Variants in CACNB2 observed in about 807,000 individuals in gnomAD.
CACNB2 encodes voltage-dependent L-type calcium channel subunit beta-2.
In CACNB2, 42 loss-of-function variants were observed where a neutral mutation model predicts 73.3. The ratio of observed to expected loss-of-function variants is 0.57; its 90% confidence interval spans 0.45 to 0.74. The LOEUF (loss-of-function observed/expected upper bound fraction) is 0.74. Ranked by LOEUF, CACNB2 falls within the 30% of genes least tolerant of loss-of-function variation. CACNB2 has a pLI of 0.00. For synonymous variants in CACNB2, 348 were observed against 310.3 expected (o/e 1.12, Z -1.28); for missense variants, 940 against 853.0 (o/e 1.10, Z -1.27).
At chr10:18,296,615 G>C (rs1295993258) in intron 2 of CACNB2, among the ~76,000 whole-genome samples, 2 of 152,098 alleles carry the variant, frequency 1.3e-5, no homozygotes, top group African/African-American at 4.8e-5. Context: ...TTTGTATACA[G>C]CCTGCCACTA....
intron 2 of CACNB2, among the ~76,000 whole-genome samples, chr10:18,203,372 C>T (rs1169004231): frequency 1.3e-5 from 2 of 152,174 alleles, no homozygotes; most frequent in East Asian, 1.9e-4. Flanking sequence ...TGTACCTTGG[C>T]TGGCATTAGT....
At chr10:18,411,506 A>AT (rs72400253) in intron 3 of CACNB2, among the ~76,000 whole-genome samples, 35,050 of 125,500 alleles carry the variant, frequency 0.28, 5,748 homozygotes, top group South Asian at 0.41. Flanking sequence ...GTCTTTGAGC[A>AT]TTTTTTTTTT....
chr10:18,379,002 C>T (rs1004986989), intron 2 of CACNB2, among the ~76,000 whole-genome samples: 2 of 152,100 alleles, frequency 1.3e-5, no homozygotes, highest in African/African-American at 4.8e-5. Context: ...GGGCTTTCTT[C>T]CAGCAGACTT....
At chr10:18,451,066 G>A (rs1028277602) in intron 3 of CACNB2, among the ~76,000 whole-genome samples, 3 of 152,154 alleles carry the variant, frequency 2.0e-5, no homozygotes, top group Non-Finnish European at 2.9e-5. Flanking sequence ...CTATACATGC[G>A]ATAAAAATCT....
rs549383895 is a variant in CACNB2, at chr10:18,247,901, A to G, written c.213+96926A>G. On this transcript the variant is annotated intron_variant, in intron 2 of 13. Transcript: ENST00000324631. ...GTACCTCTGATGATGTTACAGTAAC[A>G]CACAGCTTCCCCTGTTTCATAAATG... Among the ~76,000 whole-genome samples the G allele has an allele frequency of 1.2e-4, 19 of 152,324 alleles. No individual in the cohort carries two copies. In the South Asian group the frequency reaches 2.7e-3, roughly 22 times the overall value.
intron 2 of CACNB2, among the ~76,000 whole-genome samples, chr10:18,371,715 C>G (rs2042591870): frequency 6.6e-6 from 1 of 151,996 alleles, no homozygotes; most frequent in Middle Eastern, 3.4e-3. Flanking sequence ...TGGGTATATA[C>G]CCAGTAATGG....
Position 18,449,925 on chromosome 10 carries a change from G to C in CACNB2, c.333+47882G>C, listed in dbSNP as rs79096036. Among the ~76,000 whole-genome samples, 19 of 152,352 alleles carry C rather than the reference G, an allele frequency of 1.2e-4. No individual in the cohort carries two copies. In the East Asian group the frequency reaches 3.7e-3, roughly 29 times the overall value. ...TGAGAACAAGAGGTAGGATGATGCA[G>C]GCTGGCTCAGGGCCCATGAAGGGCT... On this transcript the variant is annotated intron_variant, in intron 3 of 13. Transcript: ENST00000324631.
At chr10:18,221,031 G>T (rs893660244) in intron 2 of CACNB2, among the ~76,000 whole-genome samples, 1 of 152,162 alleles carries the variant, frequency 6.6e-6, no homozygotes, top group African/African-American at 2.4e-5. Flanking sequence ...CAACCTGGAT[G>T]GGGGCTGGGC....
At chr10:18,487,163 A>C (rs575493989) in intron 3 of CACNB2, among the ~76,000 whole-genome samples, 2 of 152,144 alleles carry the variant, frequency 1.3e-5, no homozygotes, top group Non-Finnish European at 2.9e-5. Context: ...TGGGGTCTCA[A>C]CCTGGCCAGC....
At chr10:18,478,895 G>C (rs1287082131) in intron 3 of CACNB2, among the ~76,000 whole-genome samples, 1 of 152,120 alleles carries the variant, frequency 6.6e-6, no homozygotes, top group Non-Finnish European at 1.5e-5. Context: ...CTTTGCTGTG[G>C]GAGGGATGTG....
At chr10:18,294,602 G>A (rs897118050) in intron 2 of CACNB2, among the ~76,000 whole-genome samples, 5 of 152,222 alleles carry the variant, frequency 3.3e-5, no homozygotes, top group Admixed American at 3.3e-4. Context: ...GAGAGGTGGT[G>A]TTGCCAATTG....
At chr10:18,168,075 TA>T (rs11440334) in intron 2 of CACNB2, among the ~76,000 whole-genome samples, 4 of 151,848 alleles carry the variant, frequency 2.6e-5, no homozygotes, top group Non-Finnish European at 4.4e-5. Context: ...TGCTGGGTTT[TA>T]AAAAAATTGT....
intron 3 of CACNB2, among the ~76,000 whole-genome samples, chr10:18,426,199 T>A (rs1335276123): frequency 6.6e-6 from 1 of 152,230 alleles, no homozygotes; most frequent in African/African-American, 2.4e-5. Context: ...GTAGATCAAC[T>A]TGGAGGAAAA....
At chr10:18,442,258 T>C (rs1029950038) in intron 3 of CACNB2, among the ~76,000 whole-genome samples, 11 of 152,146 alleles carry the variant, frequency 7.2e-5, no homozygotes, top group South Asian at 6.2e-4. Flanking sequence ...CCAGTGATCC[T>C]TGTGAGTCAG....
At chr10:18,422,694 CA>C (rs138978463) in intron 3 of CACNB2, among the ~76,000 whole-genome samples, 42,387 of 151,726 alleles carry the variant, frequency 0.28, 6,487 homozygotes, top group Middle Eastern at 0.39. Flanking sequence ...GTTGACACTT[CA>C]AAAAAAATTT....
At chr10:18,286,517 C>CA (rs770589594) in intron 2 of CACNB2, among the ~76,000 whole-genome samples, 5,284 of 57,296 alleles carry the variant, frequency 0.092, 789 homozygotes, top group East Asian at 0.21. Context: ...GATTCTGTCT[C>CA]AAAAAAAAAA....
At chr10:18,225,761 A>G (rs1216851132) in intron 2 of CACNB2, among the ~76,000 whole-genome samples, 3 of 151,598 alleles carry the variant, frequency 2.0e-5, no homozygotes, top group African/African-American at 7.3e-5. Flanking sequence ...CACCTCAGTC[A>G]CCCTAGTAGC....
Position 18,353,867 on chromosome 10 carries a change from T to C in CACNB2, c.214-48057T>C, listed in dbSNP as rs1257469132. ...CTATTTTTTTTGCCCAAAGGCATTA[T>C]AAGGAAATAGTATGAGCAAAGTTTT... On this transcript the variant is annotated intron_variant, in intron 2 of 13. Transcript: ENST00000324631. Among the ~76,000 whole-genome samples, 3 of 152,360 alleles carry C rather than the reference T, an allele frequency of 2.0e-5. No individual in the cohort carries two copies. In the East Asian group the frequency reaches 5.8e-4, roughly 29 times the overall value.
At chr10:18,320,736 A>G (rs1365479014) in intron 2 of CACNB2, among the ~76,000 whole-genome samples, 1 of 152,218 alleles carries the variant, frequency 6.6e-6, no homozygotes, top group Non-Finnish European at 1.5e-5. Context: ...AAAAGAACAT[A>G]GTTAGAACTG....
Sources: gnomAD v4.1 joint callset for allele counts (sites outside exome capture counted in the v4.1 genomes callset) on GRCh38, gnomAD v4.1.1 for gene constraint, MANE v1.5 for transcripts, NCBI Gene and HGNC (gene_info 2026-07-23, HGNC 2026-07-21) for gene names.